Variants in MASTL observed in about 807,000 individuals in gnomAD.
MASTL encodes the protein serine/threonine-protein kinase greatwall.
In MASTL, 54 loss-of-function variants were observed where a neutral mutation model predicts 82.5. That is an observed-to-expected ratio of 0.65 (90% CI 0.53 to 0.82). The LOEUF (loss-of-function observed/expected upper bound fraction) is 0.82. Ranked by LOEUF, MASTL falls within the 40% of genes least tolerant of loss-of-function variation. MASTL has a pLI of 0.00. For missense variants in MASTL, 950 were observed against 1,047.8 expected (o/e 0.91, Z 1.29); for synonymous variants, 323 against 368.9 (o/e 0.88, Z 1.43).
At chr10:27,174,797 TCTTAACC>T (rs142921734) in intron 9 of MASTL, among the ~76,000 whole-genome samples, 7,878 of 152,208 alleles carry the variant, frequency 0.052, 210 homozygotes, top group African/African-American at 0.068. Flanking sequence ...CTTAACCTAA[TCTTAACC>T]TAATTAATCA....
chr10:27,171,960 CTAGGACTACAGGCA>C (rs2057961178), intron 8 of MASTL, among the ~76,000 whole-genome samples: 3 of 149,504 alleles, frequency 2.0e-5, no homozygotes, highest in African/African-American at 7.4e-5. Context: ...TCCTGAGTAG[CTAGGACTACAGGCA>C]TGTGCCACCA....
Position 27,165,102 on chromosome 10 carries a change from G to A in MASTL, c.592G>A (p.Ala198Thr). ...MMDILTTPSM[A>T]KPRQDYSRTP... is the part of the protein sequence containing the mutation. ...GGATATCCTTACAACACCATCAATGGCAAAACCTAGACAAGATTATTCAAG... is the reference window on the plus strand; with the variant it reads ...GGATATCCTTACAACACCATCAATGACAAAACCTAGACAAGATTATTCAAG... The change falls in exon 5 of 12, where the codon GCA becomes ACA. Residue 198 changes from alanine (A) to threonine (T), a missense_variant. By Grantham distance (58) the Ala-to-Thr change is moderately conservative. Transcript: ENST00000375940. 1 of 1,612,508 alleles carries A rather than the reference G, an allele frequency of 6.2e-7. No homozygotes were observed.
chr10:27,158,749 A>C, intron 2 of MASTL, 63 bp downstream of exon 2: 3 of 1,576,034 alleles, frequency 1.9e-6, no homozygotes, highest in Non-Finnish European at 1.7e-6. Flanking sequence ...CTAGTGATTT[A>C]AGAGAACCAT....
intron 9 of MASTL, among the ~76,000 whole-genome samples, chr10:27,176,164 G>T (rs2058096521): frequency 6.6e-6 from 1 of 151,352 alleles, no homozygotes; most frequent in African/African-American, 2.4e-5. Context: ...CCCTACCTCA[G>T]TTTCATCACC....
Position 27,186,726 on chromosome 10 carries a change from C to T in MASTL, c.*190C>T, listed in dbSNP as rs991185126. 1 of 600,886 alleles carries T rather than the reference C, an allele frequency of 1.7e-6. No individual in the cohort carries two copies. The highest frequency in any genetic ancestry group is 1.9e-5 in the African/African-American group (1 of 53,922). The allele number at this position is 600,886 out of a possible 1,614,324, so 37.2% of individuals were successfully genotyped here. On this transcript the variant is annotated 3_prime_UTR_variant, in exon 12 of 12. Transcript: ENST00000375940. ...GAATATAGTCAGTAATTTATCTTAA[C>T]CTCAAAACTGTATATAAATCTTCAA...
In MASTL at chr10:27,155,514, C is replaced by T; in HGVS notation, c.88C>T (p.Pro30Ser). ...GVNRIAVPKP[P>S]SIEEFSIVKP... ...GAATAGGATCGCAGTGCCAAAACCG[C>T]CCTCCATTGAGGAATTCAGCATAGT... is the stretch of plus-strand genomic sequence containing the variant. The change falls in exon 1 of 12, where the codon CCC (proline) becomes TCC (serine). Residue 30 changes from proline (P) to serine (S), a missense_variant. Pro to Ser is a moderately conservative substitution (Grantham distance 74). Transcript: ENST00000375940. The T allele has an allele frequency of 6.2e-7, 1 of 1,614,194 alleles. No homozygotes were observed. The highest frequency in any genetic ancestry group is 8.5e-7 in the Non-Finnish European group (1 of 1,180,020).
In MASTL at chr10:27,165,453, C is replaced by A; in HGVS notation, c.725C>A (p.Thr242Lys). The A allele has an allele frequency of 6.2e-7, 1 of 1,613,952 alleles. No individual in the cohort carries two copies. Among genetic ancestry groups the A allele is most frequent in the Non-Finnish European group, 8.5e-7 (1 of 1,179,888 alleles). Reference protein sequence around the residue: ...ANILSACLSETSQLSQGLVCP... With the variant: ...ANILSACLSEKSQLSQGLVCP... The stretch of plus-strand genomic sequence containing the variant: ...ATCCTTTCAGCCTGTCTGTCTGAAA[C>A]ATCACAGCTTTCTCAAGGACTCGTA... The change falls in exon 6 of 12, where the codon ACA becomes AAA. Residue 242 changes from threonine to lysine, a missense_variant. Coordinates refer to ENST00000375940, the MANE Select transcript of MASTL (RefSeq NM_001172303.3).
chr10:27,180,385 CTTTT>C (rs2058234569), intron 9 of MASTL, among the ~76,000 whole-genome samples: 1 of 151,810 alleles, frequency 6.6e-6, no homozygotes, highest in African/African-American at 2.4e-5. Context: ...TTTTTCTTTT[CTTTT>C]CTTTTCTTTT....
At chr10:27,158,758 A>G (rs1349184873) in intron 2 of MASTL, 72 bp downstream of exon 2, 10 of 1,558,008 alleles carry the variant, frequency 6.4e-6, no homozygotes, top group Non-Finnish European at 8.0e-6. Context: ...TAAGAGAACC[A>G]TGTTTTGGTT....
rs548312336 is a variant in MASTL, at chr10:27,184,128, C to G, written c.2483-2251C>G. Among the ~76,000 whole-genome samples, 7 of 152,246 alleles carry G rather than the reference C, an allele frequency of 4.6e-5. No individual in the cohort carries two copies. In the South Asian group the frequency reaches 1.2e-3, roughly 27 times the overall value. On this transcript the variant is annotated intron_variant, in intron 11 of 11. Transcript: ENST00000375940. ...TGATCTAGACTCAGATCCCTGTCCT[C>G]GTGGAACTTACATTCTAGTGGAAAG...
rs1429973255 is a variant in MASTL, at chr10:27,159,885, G to C, written c.464+127G>C. The C allele has an allele frequency of 2.9e-5, 23 of 790,828 alleles. No homozygotes were observed. Among genetic ancestry groups the C allele is most frequent in the Non-Finnish European group, 4.3e-5 (20 of 467,450 alleles). 49.0% of individuals were successfully genotyped at this position (790,828 alleles called of 1,614,324 possible). A position where few individuals can be genotyped will look rare whatever the true frequency, so the allele number is the denominator to read the frequency against. On this transcript the variant is annotated intron_variant, in intron 3 of 11. Transcript: ENST00000375940. The surrounding 1 kb of genome is among the most constrained non-coding windows in gnomAD (Gnocchi z 4.0). ...GTTATCTAAAGTTTACTAGTAACTT[G>C]TATTCATTTAGAAATTAACTCTTCT...
intron 4 of MASTL, among the ~76,000 whole-genome samples, chr10:27,164,700 C>T (rs1362007585): frequency 2.0e-4 from 30 of 152,044 alleles, no homozygotes; most frequent in African/African-American, 6.8e-4. Flanking sequence ...TGCAGTAGCG[C>T]GATCTCGGCT....
At chr10:27,160,676 G>C (rs918835751) in intron 3 of MASTL, among the ~76,000 whole-genome samples, 3 of 151,820 alleles carry the variant, frequency 2.0e-5, no homozygotes, top group Non-Finnish European at 4.4e-5. Context: ...GCTTGAACCC[G>C]GAAGGCGGAG....
At chr10:27,158,503 C>T (rs1043927665) in intron 1 of MASTL, 46 bp from the exon 2 acceptor site, 1 of 1,472,006 alleles carries the variant, frequency 6.8e-7, no homozygotes, top group African/African-American at 1.4e-5. Flanking sequence ...GAGACTCTGT[C>T]TCAAAATAAA....
Position 27,167,135 on chromosome 10 carries a change from C to T in MASTL, c.845C>T (p.Pro282Leu). The change falls in exon 7 of 12, where the codon CCT (proline) becomes CTT (leucine). Residue 282 changes from proline to leucine, a missense_variant. By Grantham distance (98) the Pro-to-Leu change is moderately conservative (BLOSUM62 -3). Coordinates refer to ENST00000375940, the MANE Select transcript of MASTL (RefSeq NM_001172303.3). ...ACAGTTGCCTCCAACCCAGGAATGC[C>T]TGTGAAGTGTCTAACTTCTAATTTA... ...LETVASNPGM[P>L]VKCLTSNLLQ... The T allele has an allele frequency of 1.2e-6, 2 of 1,614,080 alleles. No individual in the cohort carries two copies. Among genetic ancestry groups the T allele is most frequent in the Non-Finnish European group, 1.7e-6 (2 of 1,179,962 alleles).
In MASTL at chr10:27,181,463, T is replaced by C. The variant is rs748863382; in HGVS notation, c.2381-17T>C. On this transcript the variant is annotated splice_polypyrimidine_tract_variant and intron_variant, in intron 10 of 11. Transcript: ENST00000375940. ...GAGCAGTAATAAACAAGTTTATTTG[T>C]ATATGTATAATTTTAGATATCCCTT... The C allele has an allele frequency of 4.0e-6, 6 of 1,518,330 alleles. No individual in the cohort carries two copies. The South Asian group carries it at 6.7e-5, about 17-fold the overall frequency. 94.1% of individuals were successfully genotyped at this position (1,518,330 alleles called of 1,614,324 possible).
At chr10:27,156,606 TCTC>T (rs1231267048) in intron 1 of MASTL, among the ~76,000 whole-genome samples, 2 of 152,030 alleles carry the variant, frequency 1.3e-5, no homozygotes, top group African/African-American at 4.8e-5. Flanking sequence ...TTCAAGCGAT[TCTC>T]CTGTCTCAGC....
chr10:27,186,550 C>G lies in MASTL; in HGVS notation c.*14C>G. Reference sequence around the variant, plus strand: ...TTTAGTCTGTAGCACAAAAATTTTCCTTTTAGTCTAGCCTTGTGTTATAGA... The same window carrying G: ...TTTAGTCTGTAGCACAAAAATTTTCGTTTTAGTCTAGCCTTGTGTTATAGA... On this transcript the variant is annotated 3_prime_UTR_variant, in exon 12 of 12. Coordinates refer to ENST00000375940, the MANE Select transcript of MASTL (RefSeq NM_001172303.3). 1 of 1,611,690 alleles carries G rather than the reference C, an allele frequency of 6.2e-7. No homozygotes were observed. The highest frequency in any genetic ancestry group is 8.5e-7 in the Non-Finnish European group (1 of 1,177,872).
intron 9 of MASTL, among the ~76,000 whole-genome samples, chr10:27,178,772 C>T (rs553851304): frequency 6.6e-6 from 1 of 151,336 alleles, no homozygotes; most frequent in Non-Finnish European, 1.5e-5. Flanking sequence ...TTTCTAATTC[C>T]CCCCTACTTT....
Sources: gnomAD v4.1 joint callset for allele counts (sites outside exome capture counted in the v4.1 genomes callset) on GRCh38, gnomAD v4.1.1 for gene constraint, Gnocchi (gnomAD v3.1) non-coding constraint, MANE v1.5 for transcripts, NCBI Gene and HGNC (gene_info 2026-07-23, HGNC 2026-07-21) for gene names.